The following SAMMSON variants were observed in gnomAD, a reference collection of about 807,000 sequenced individuals.
SAMMSON encodes the protein long intergenic non-protein coding RNA 1212.
chr3:70,185,438 C>T (rs1433629701), intron 4 of SAMMSON, among the ~76,000 whole-genome samples: 5 of 152,056 alleles, frequency 3.3e-5, no homozygotes, highest in Non-Finnish European at 5.9e-5. Context: ...AGGTCTGGGG[C>T]CCAGAGCTCT....
rs546300490 is a variant in SAMMSON, at chr3:70,086,840, A to G, written n.507+15275A>G. Among the ~76,000 whole-genome samples the G allele has an allele frequency of 2.0e-5, 3 of 152,264 alleles. No individual in the cohort carries two copies. The South Asian group carries it at 6.2e-4, about 32-fold the overall frequency. ...CCCTTGCAATGTAGTGTCCTCAGTA[A>G]TTTACACATGTATGGGTTTATTCAT... On this transcript the variant is annotated intron_variant and non_coding_transcript_variant, in intron 4 of 9. Transcript: ENST00000642114.
chr3:70,093,758 G>C (rs566469427), intron 4 of SAMMSON, among the ~76,000 whole-genome samples: 5 of 152,250 alleles, frequency 3.3e-5, no homozygotes, highest in Admixed American at 1.3e-4. Flanking sequence ...TTAGTTTAGA[G>C]ATGCAAACTG....
intron 1 of SAMMSON, chr3:70,009,412 T>C (rs1246992242): frequency 1.3e-5 from 2 of 152,236 alleles, no homozygotes; most frequent in African/African-American, 4.8e-5. Context: ...TTCTAGATTT[T>C]CTAGTTTATT....
chr3:70,231,266 C>A (rs910237857), intron 4 of SAMMSON, among the ~76,000 whole-genome samples: 1 of 152,160 alleles, frequency 6.6e-6, no homozygotes, highest in African/African-American at 2.4e-5. Context: ...TTAACACTGG[C>A]GGCACACGTT....
chr3:70,369,785 C>T (rs1702951763), intron 9 of SAMMSON, among the ~76,000 whole-genome samples: 1 of 151,702 alleles, frequency 6.6e-6, no homozygotes, highest in African/African-American at 2.4e-5. Context: ...GTATCCATCA[C>T]CTCAAGTATT....
chr3:70,414,435 A>T (rs1328981947), intron 2 of SAMMSON, among the ~76,000 whole-genome samples: 2 of 152,168 alleles, frequency 1.3e-5, no homozygotes, highest in Non-Finnish European at 2.9e-5. Context: ...AACCTATTAC[A>T]GTATCGCAAT....
At chr3:70,192,242 C>A (rs763454757) in intron 4 of SAMMSON, among the ~76,000 whole-genome samples, 1 of 152,188 alleles carries the variant, frequency 6.6e-6, no homozygotes, top group Non-Finnish European at 1.5e-5. Flanking sequence ...GCTGTGCAAG[C>A]ACCTCTAATA....
At position 70,059,189 on chromosome 3, in the gene SAMMSON, A is replaced by G. The variant is rs558861806; in HGVS notation, n.418-12287A>G. On this transcript the variant is annotated intron_variant and non_coding_transcript_variant, in intron 3 of 9. Coordinates refer to ENST00000642114, the Ensembl canonical transcript of SAMMSON. ...AAGTGACATGTTTATTGTAAAATAA[A>G]TAATAATTCAACCTAAATCAATAGA... Among the ~76,000 whole-genome samples the G allele has an allele frequency of 1.2e-3, 179 of 152,276 alleles. 1 individual carries two copies. Among genetic ancestry groups the G allele is most frequent in the African/African-American group, 4.1e-3 (171 of 41,582 alleles).
At chr3:70,350,560 C>T (rs813397) in intron 7 of SAMMSON, among the ~76,000 whole-genome samples, 12,984 of 152,034 alleles carry the variant, frequency 0.085, 647 homozygotes, top group Non-Finnish European at 0.11. Flanking sequence ...TTTTTCATTA[C>T]TTCTTCACCC....
chr3:70,082,140 C>G (rs1029870783), intron 4 of SAMMSON, among the ~76,000 whole-genome samples: 1 of 152,128 alleles, frequency 6.6e-6, no homozygotes, highest in African/African-American at 2.4e-5. Context: ...AAGAGCCTCC[C>G]TTAGAACTTA....
chr3:70,338,075 A>T (rs1175897438), intron 7 of SAMMSON, among the ~76,000 whole-genome samples: 1 of 151,538 alleles, frequency 6.6e-6, no homozygotes, highest in African/African-American at 2.4e-5. Context: ...TATATTTATT[A>T]TATAATAGAT....
intron 4 of SAMMSON, among the ~76,000 whole-genome samples, chr3:70,219,810 T>C (rs762340555): frequency 1.3e-5 from 2 of 152,178 alleles, no homozygotes; most frequent in Non-Finnish European, 2.9e-5. Context: ...CAAGTTATGA[T>C]GGCAAAATGA....
downstream of SAMMSON, among the ~76,000 whole-genome samples, chr3:70,394,280 G>A (rs1701073547): frequency 6.6e-6 from 1 of 152,198 alleles, no homozygotes; most frequent in Non-Finnish European, 1.5e-5. Flanking sequence ...GATGTGTGAA[G>A]AGTGGGGGTG....
chr3:70,114,040 G>GA (rs1306705974), intron 4 of SAMMSON, among the ~76,000 whole-genome samples: 2 of 152,222 alleles, frequency 1.3e-5, no homozygotes, highest in African/African-American at 4.8e-5. Flanking sequence ...ATAGGAGCCT[G>GA]AGCTGACTAA....
intron 9 of SAMMSON, among the ~76,000 whole-genome samples, chr3:70,389,184 G>A (rs1180262838): frequency 1.3e-5 from 2 of 152,060 alleles, no homozygotes; most frequent in African/African-American, 4.8e-5. Flanking sequence ...CACCAGAATT[G>A]TTAGCAAAAT....
At chr3:70,200,167 C>T (rs1042443302) in intron 4 of SAMMSON, among the ~76,000 whole-genome samples, 1 of 152,200 alleles carries the variant, frequency 6.6e-6, no homozygotes, top group African/African-American at 2.4e-5. Context: ...CATTTTAGCT[C>T]TGGCCACCAT....
chr3:70,416,437 G>A (rs993806494), intron 2 of SAMMSON, among the ~76,000 whole-genome samples: 5 of 151,982 alleles, frequency 3.3e-5, no homozygotes, highest in Admixed American at 1.3e-4. Context: ...GGACAAATCC[G>A]GACTCTTTTT....
At chr3:70,208,678 C>T (rs1701313277) in intron 4 of SAMMSON, among the ~76,000 whole-genome samples, 1 of 151,970 alleles carries the variant, frequency 6.6e-6, no homozygotes, top group Non-Finnish European at 1.5e-5. Context: ...GAGAACAGCC[C>T]ACTGACTTGT....
At chr3:70,283,636 A>C (rs1053493636) in intron 6 of SAMMSON, 4 of 152,082 alleles carry the variant, frequency 2.6e-5, no homozygotes, top group African/African-American at 9.7e-5. Flanking sequence ...AAAGGGATTC[A>C]TGCTGGGGTC....
Sources: allele counts gnomAD v4.1 joint callset (sites outside exome capture counted in the v4.1 genomes callset), GRCh38; gene constraint gnomAD v4.1.1; transcripts MANE v1.5; gene names NCBI Gene and HGNC (gene_info 2026-07-23, HGNC 2026-07-21).